CNDP1: variants seen among roughly 807,000 people sequenced by gnomAD.
The protein encoded by CNDP1 is carnosine dipeptidase 1, also known as beta-Ala-His dipeptidase.
Under a neutral mutation model 58.1 loss-of-function variants are expected in CNDP1, and 44 were observed. The observed-to-expected ratio is 0.76, with a 90% confidence interval of 0.60 to 0.97. The LOEUF (loss-of-function observed/expected upper bound fraction) is 0.97. Among genes scored for constraint, CNDP1 ranks in the 50% least tolerant of loss-of-function variants. The pLI is 0.00. For synonymous variants in CNDP1, 254 were observed against 252.6 expected, an observed-to-expected ratio of 1.01 and a Z score of -0.05; for missense variants, 616 against 655.1, an observed-to-expected ratio of 0.94 and a Z score of 0.65.
Position 74,584,609 on chromosome 18 carries a change from C to T in CNDP1, c.*47C>T, listed in dbSNP as rs760942367. 32 of 1,381,794 alleles carry T rather than the reference C, an allele frequency of 2.3e-5. No homozygotes were observed. Among genetic ancestry groups the T allele is most frequent in the Non-Finnish European group, 3.0e-5 (29 of 968,254 alleles). The allele number at this position is 1,381,794 out of a possible 1,614,324, so 85.6% of individuals were successfully genotyped here. The stretch of plus-strand genomic sequence containing the variant: ...ATCTGATCCACTGACAGATTCACCT[C>T]CCCCACATCCCTAGACAGGGATGGA... On this transcript the variant is annotated 3_prime_UTR_variant, in exon 12 of 12. Transcript: ENST00000358821.
chr18:74,578,604 G>A (rs1429587687), intron 9 of CNDP1, among the ~76,000 whole-genome samples: 2 of 152,098 alleles, frequency 1.3e-5, no homozygotes, highest in African/African-American at 4.8e-5. Context: ...TCCAGCCTGG[G>A]TGACAGAGCA....
intron 1 of CNDP1, among the ~76,000 whole-genome samples, chr18:74,544,482 C>T (rs1343388751): frequency 6.6e-6 from 1 of 151,734 alleles, no homozygotes; most frequent in Non-Finnish European, 1.5e-5. Context: ...TTTGGGAGGC[C>T]GAAGCAGGTG....
intron 1 of CNDP1, among the ~76,000 whole-genome samples, chr18:74,535,896 G>A (rs1223316941): frequency 6.6e-6 from 1 of 152,064 alleles, no homozygotes; most frequent in Non-Finnish European, 1.5e-5. Context: ...GCCAGGCAGG[G>A]TGGAGCATGC....
chr18:74,580,913 A>G (rs1981773478), intron 10 of CNDP1, among the ~76,000 whole-genome samples: 1 of 152,206 alleles, frequency 6.6e-6, no homozygotes, highest in Non-Finnish European at 1.5e-5. Context: ...AGGCTGCAGC[A>G]AGCTATGATC....
chr18:74,536,832 G>A (rs1980496875), intron 1 of CNDP1, among the ~76,000 whole-genome samples: 1 of 152,004 alleles, frequency 6.6e-6, no homozygotes, highest in Non-Finnish European at 1.5e-5. Context: ...TAATACAGTT[G>A]TTTGATGTGA....
intron 1 of CNDP1, 56 bp downstream of exon 1, chr18:74,534,747 TC>T: frequency 6.2e-7 from 1 of 1,606,832 alleles, no homozygotes; most frequent in Non-Finnish European, 8.5e-7. Flanking sequence ...ATTCCATTTG[TC>T]CCGGGAGCAT....
chr18:74,577,415 A>G (rs1490929219), intron 8 of CNDP1: 1 of 159,280 alleles, frequency 6.3e-6, no homozygotes. Flanking sequence ...TCATTTTTCC[A>G]GACAAAACCA....
rs1555709374 is a variant in CNDP1, at chr18:74,556,356, G to GC, written c.43_44insC (p.Val15AlafsTer29). 2 of 1,574,172 alleles carry GC rather than the reference G, an allele frequency of 1.3e-6. No homozygotes were observed. The highest frequency in any genetic ancestry group is 1.7e-6 in the Non-Finnish European group (2 of 1,157,886). On this transcript the variant is annotated frameshift_variant, in exon 2 of 12. Transcript: ENST00000358821. LOFTEE classifies it high-confidence loss of function. Reference sequence around the variant, plus strand: ...CTTCCAGGCTGCGTCCCTGCTGGCTGTGCTGCTGCTGCTGCTGGAGCGCGG... The same window carrying GC: ...CTTCCAGGCTGCGTCCCTGCTGGCTGCTGCTGCTGCTGCTGCTGGAGCGCGG...
At chr18:74,558,382 C>CTTTCTT (rs1162595821) in intron 2 of CNDP1, among the ~76,000 whole-genome samples, 1 of 124,346 alleles carries the variant, frequency 8.0e-6, no homozygotes, top group Non-Finnish European at 1.7e-5. Context: ...GGGAGCATTA[C>CTTTCTT]TTTCTTTTTC....
Position 74,568,660 on chromosome 18 carries a change from C to G in CNDP1, c.756+1227C>G, listed in dbSNP as rs777815196. Reference sequence around the variant, plus strand: ...GAGGGCTTTGGGTAGGTAGAGAGCTCCAAGTCCTAGAGCTTTTTCCCTCTT... The same window carrying G: ...GAGGGCTTTGGGTAGGTAGAGAGCTGCAAGTCCTAGAGCTTTTTCCCTCTT... On this transcript the variant is annotated intron_variant, in intron 6 of 11. Coordinates refer to ENST00000358821, the MANE Select transcript of CNDP1 (RefSeq NM_032649.6). Among the ~76,000 whole-genome samples, 37 of 152,156 alleles carry G rather than the reference C, an allele frequency of 2.4e-4. No homozygotes were observed. The Middle Eastern group carries it at 0.014, about 56-fold the overall frequency.
At chr18:74,558,576 A>G (rs536820928) in intron 2 of CNDP1, among the ~76,000 whole-genome samples, 3 of 151,664 alleles carry the variant, frequency 2.0e-5, no homozygotes, top group South Asian at 4.2e-4. Flanking sequence ...TTGTGTTTTT[A>G]GTAGAGATGG....
chr18:74,557,090 A>G (rs1981062784), intron 2 of CNDP1, among the ~76,000 whole-genome samples: 1 of 150,982 alleles, frequency 6.6e-6, no homozygotes, highest in African/African-American at 2.4e-5. Flanking sequence ...TAATTTTTGT[A>G]TTTTTTCAGT....
At chr18:74,583,788 G>A (rs1981848058) in intron 11 of CNDP1, 80 bp downstream of exon 11, 2 of 1,380,214 alleles carry the variant, frequency 1.4e-6, no homozygotes, top group African/African-American at 1.4e-5. Flanking sequence ...GTGAGCTCCT[G>A]TTCAATTTAT....
chr18:74,580,293 A>G, intron 10 of CNDP1, 22 bp downstream of exon 10: 1 of 1,613,284 alleles, frequency 6.2e-7, no homozygotes, highest in Non-Finnish European at 8.5e-7. Flanking sequence ...AGATCTTCTG[A>G]CTGGCCAATC....
At chr18:74,559,044 C>T (rs958489804) in intron 2 of CNDP1, among the ~76,000 whole-genome samples, 5 of 152,196 alleles carry the variant, frequency 3.3e-5, no homozygotes, top group Admixed American at 6.5e-5. Flanking sequence ...CCCTGGTGAA[C>T]GCAGTGAGGA....
chr18:74,568,445 T>C (rs941661290), intron 6 of CNDP1, among the ~76,000 whole-genome samples: 6 of 152,114 alleles, frequency 3.9e-5, no homozygotes, highest in Admixed American at 2.6e-4. Flanking sequence ...TAGAACCCGC[T>C]TTCAAGAAAC....
chr18:74,561,288 C>A, intron 4 of CNDP1: 2 of 298,870 alleles, frequency 6.7e-6, no homozygotes, highest in Non-Finnish European at 1.3e-5. Flanking sequence ...TGGTCGTGGG[C>A]GCCTGTAATC....
Position 74,580,140 on chromosome 18 carries a change from A to T in CNDP1, c.1178A>T (p.His393Leu). Residue 393 changes from histidine to leucine, a missense_variant, in exon 10 of 12, where the codon CAT becomes CTT. Transcript: ENST00000358821. ...VSAVEKQVTR[H>L]LEDVFSKRNS... ...AATGTCACCTTTTAGGTGACACGAC[A>T]TCTTGAAGATGTGTTCTCCAAAAGA... 6.2e-7 allele frequency: 1 copy of T among 1,613,332 alleles called. No homozygotes were observed. Among genetic ancestry groups the T allele is most frequent in the Non-Finnish European group, 8.5e-7 (1 of 1,179,542 alleles).
chr18:74,573,430 A>ATTC (rs560442671), intron 7 of CNDP1, among the ~76,000 whole-genome samples: 108 of 151,652 alleles, frequency 7.1e-4, no homozygotes, highest in Non-Finnish European at 1.3e-3. Flanking sequence ...CCATCCATCC[A>ATTC]ACTATCTATC....
Sources: allele counts gnomAD v4.1 joint callset (sites outside exome capture counted in the v4.1 genomes callset), GRCh38; gene constraint gnomAD v4.1.1; transcripts MANE v1.5; gene names NCBI Gene and HGNC (gene_info 2026-07-23, HGNC 2026-07-21).